The following ABCC1 variants were observed in gnomAD, a reference collection of about 807,000 sequenced individuals.
ABCC1 encodes ATP binding cassette subfamily C member 1 (ABCC1 blood group), also known as multidrug resistance-associated protein 1.
In ABCC1, 83 loss-of-function variants were observed where a neutral mutation model predicts 172.9. That is an observed-to-expected ratio of 0.48 (90% CI 0.40 to 0.58). The LOEUF is 0.58. Among genes scored for constraint, ABCC1 ranks in the 20% least tolerant of loss-of-function variants. The pLI, the probability that ABCC1 is intolerant of heterozygous loss-of-function variation, is 0.00. For missense variants in ABCC1, 1,817 were observed against 2,002.7 expected, an observed-to-expected ratio of 0.91 and a Z score of 1.77; for synonymous variants, 937 against 825.2, an observed-to-expected ratio of 1.14 and a Z score of -2.32.
intron 10 of ABCC1, among the ~76,000 whole-genome samples, chr16:16,048,753 G>A (rs963664658): frequency 1.4e-4 from 21 of 152,164 alleles, no homozygotes; most frequent in African/African-American, 4.1e-4. Context: ...TTGGGAGGCC[G>A]AGGCGGGCAG....
At chr16:16,121,055 A>G (rs1018900930) in intron 23 of ABCC1, among the ~76,000 whole-genome samples, 4 of 152,214 alleles carry the variant, frequency 2.6e-5, no homozygotes, top group Non-Finnish European at 5.9e-5. Flanking sequence ...TAGTATTACC[A>G]GGCACTGTGC....
At chr16:15,996,145 C>T (rs927924932) in intron 1 of ABCC1, among the ~76,000 whole-genome samples, 1 of 151,808 alleles carries the variant, frequency 6.6e-6, no homozygotes, top group Non-Finnish European at 1.5e-5. Context: ...CCACCATGCC[C>T]GGCTAATTTT....
chr16:16,042,777 C>T (rs908039389), intron 7 of ABCC1, among the ~76,000 whole-genome samples: 5 of 152,054 alleles, frequency 3.3e-5, no homozygotes, highest in South Asian at 4.2e-4. Flanking sequence ...ATTCATACAC[C>T]GCACAATTCA....
chr16:16,031,301 G>A (rs1207441192), intron 5 of ABCC1, among the ~76,000 whole-genome samples: 3 of 152,168 alleles, frequency 2.0e-5, no homozygotes, highest in Non-Finnish European at 4.4e-5. Context: ...ATTACTGCCT[G>A]GTGACCTCTC....
chr16:16,094,962 CAT>C (rs1410065218), intron 19 of ABCC1, among the ~76,000 whole-genome samples: 1 of 151,972 alleles, frequency 6.6e-6, no homozygotes, highest in East Asian at 1.9e-4. Context: ...GAGTTACAGG[CAT>C]GTGCCACCAC....
chr16:15,989,176 G>A (rs1469453573), intron 1 of ABCC1, among the ~76,000 whole-genome samples: 2 of 151,964 alleles, frequency 1.3e-5, no homozygotes, highest in Non-Finnish European at 2.9e-5. Flanking sequence ...AAGGATGGCC[G>A]TGCCCCTGCC....
chr16:16,102,836 T>C, intron 20 of ABCC1, 119 bp downstream of exon 20: 1 of 911,368 alleles, frequency 1.1e-6, no homozygotes, highest in Non-Finnish European at 1.7e-6. Context: ...GCTTTTACCT[T>C]CCCTCCCAAA....
chr16:16,034,225 A>G (rs2048663846), intron 6 of ABCC1, among the ~76,000 whole-genome samples: 1 of 150,804 alleles, frequency 6.6e-6, no homozygotes, highest in African/African-American at 2.4e-5. Context: ...ATGGGGTTTC[A>G]TCATGTTGCC....
At chr16:16,064,701 C>A (rs1350592619) in intron 12 of ABCC1, among the ~76,000 whole-genome samples, 1 of 152,236 alleles carries the variant, frequency 6.6e-6, no homozygotes, top group Non-Finnish European at 1.5e-5. Context: ...TACCCCGTCC[C>A]CACCCATTTA....
rs545801425 is a variant in ABCC1, at chr16:16,004,129, GCTGTGGTGGGGAACACTGA to G, written c.49-3674_49-3656del. 4.0e-3 allele frequency among the ~76,000 whole-genome samples: 602 copies of G among 152,134 alleles called. 7 individuals carry two copies. The highest frequency in any genetic ancestry group is 6.6e-3 in the South Asian group (32 of 4,820). ...TCTCTGGCTATGATAGGGAGGACTG[GCTGTGGTGGGGAACACTGA>G]CTGTGGTGGGGAGCACTGGCTGTAG... On this transcript the variant is annotated intron_variant, in intron 1 of 30. Coordinates refer to ENST00000399410, the MANE Select transcript of ABCC1 (RefSeq NM_004996.4).
chr16:16,065,480 T>C (rs1047277100), intron 12 of ABCC1, among the ~76,000 whole-genome samples: 2 of 152,090 alleles, frequency 1.3e-5, no homozygotes, highest in Non-Finnish European at 2.9e-5. Context: ...TTGCACACGC[T>C]GGGGTGCAGT....
rs1309477211 is a variant in ABCC1 at position 16,071,732 on chromosome 16, G to A, written c.1912+3G>A. On this transcript the variant is annotated splice_donor_region_variant and intron_variant, in intron 14 of 30. Transcript: ENST00000399410. ...CGAGCGACGGCCTGTCAAAGACGGT[G>A]TGTGTGTGTTCAGTCCTGGCTTCTG... 3 of 1,612,576 alleles carry A rather than the reference G, an allele frequency of 1.9e-6. No homozygotes were observed. Among genetic ancestry groups the A allele is most frequent in the South Asian group, 2.2e-5 (2 of 90,626 alleles).
intron 5 of ABCC1, among the ~76,000 whole-genome samples, chr16:16,021,303 T>C (rs2048183813): frequency 6.6e-6 from 1 of 151,284 alleles, no homozygotes; most frequent in African/African-American, 2.4e-5. Context: ...CTTGGCATGG[T>C]GTCAAGAGCC....
In ABCC1 at chr16:16,007,921, TTCTACTTCC is replaced by T; in HGVS notation, c.159_167del (p.Phe54_Tyr56del). 6.2e-7 allele frequency: 1 copy of T among 1,612,458 alleles called. No individual in the cohort carries two copies. The highest frequency in any genetic ancestry group is 8.5e-7 in the Non-Finnish European group (1 of 1,179,640). Reference sequence around the variant, plus strand: ...TTTTTACCTCTGGGCCTGTTTCCCCTTCTACTTCCTCTATCTCTCCCGACATGACCGAGG... The same window carrying T: ...TTTTTACCTCTGGGCCTGTTTCCCCTTCTATCTCTCCCGACATGACCGAGG... On this transcript the variant is annotated inframe_deletion, in exon 2 of 31. Transcript: ENST00000399410.
Position 16,131,923 on chromosome 16 carries a change from T to C in ABCC1, c.3954T>C (p.Asn1318=), listed in dbSNP as rs538064471. 2.5e-6 allele frequency: 4 copies of C among 1,613,698 alleles called. No individual in the cohort carries two copies. The highest frequency in any genetic ancestry group is 4.5e-5 in the East Asian group (2 of 44,834). Residue 1318 remains asparagine (N), a synonymous_variant, in exon 27 of 31, where the codon AAT becomes AAC. Transcript: ENST00000399410. ...FVLRHINVTI[N]GGEKVGIVGR... ...TCAGGCACATCAATGTCACGATCAA[T>C]GGGGGAGAAAAGGTGGGTACACATC...
intron 5 of ABCC1, among the ~76,000 whole-genome samples, chr16:16,026,432 CAAAAAAAAAAA>C (rs386384354): frequency 1.7e-5 from 1 of 59,214 alleles, no homozygotes; most frequent in Non-Finnish European, 2.7e-5. Context: ...GAAACCGTCT[CAAAAAAAAAAA>C]AAAAAAAAAA....
At chr16:16,125,965 A>G in intron 26 of ABCC1, 54 bp downstream of exon 26, 1 of 1,409,294 alleles carries the variant, frequency 7.1e-7, no homozygotes, top group South Asian at 1.2e-5. Flanking sequence ...CTTTACCCCA[A>G]GGAGATCTCT....
chr16:16,105,151 AGCGAGGGCT>A (rs1374657495), intron 20 of ABCC1, among the ~76,000 whole-genome samples: 5 of 152,210 alleles, frequency 3.3e-5, no homozygotes, highest in African/African-American at 7.2e-5. Context: ...ACAGAGAGCG[AGCGAGGGCT>A]GCGAGGGCTG....
intron 1 of ABCC1, among the ~76,000 whole-genome samples, chr16:15,995,407 G>A (rs1356974467): frequency 6.6e-6 from 1 of 152,236 alleles, no homozygotes; most frequent in East Asian, 1.9e-4. Flanking sequence ...TGGCCCAGAG[G>A]CCCTTTCTGT....
Sources: gnomAD v4.1 joint callset for allele counts (sites outside exome capture counted in the v4.1 genomes callset) on GRCh38, gnomAD v4.1.1 for gene constraint, MANE v1.5 for transcripts, NCBI Gene and HGNC (gene_info 2026-07-23, HGNC 2026-07-21) for gene names.